KICS2: variants seen among roughly 807,000 people sequenced by gnomAD.
KICS2 encodes the protein KICSTOR subunit 2.
KICS2 carries 13 observed loss-of-function variants against 31.4 expected under a neutral mutation model. The ratio of observed to expected loss-of-function variants is 0.41; its 90% confidence interval spans 0.27 to 0.66. The LOEUF (loss-of-function observed/expected upper bound fraction) is 0.66, where lower values mean the gene tolerates loss of function less well. KICS2 is among the 30% of genes least tolerant of loss of function. KICS2 has a pLI of 0.28. For missense variants in KICS2, 455 were observed against 545.4 expected, an observed-to-expected ratio of 0.83 and a Z score of 1.65; for synonymous variants, 209 against 214.8, an observed-to-expected ratio of 0.97 and a Z score of 0.24.
chr12:64,206,674 T>G (rs571930583), intron 2 of KICS2, among the ~76,000 whole-genome samples: 1 of 152,174 alleles, frequency 6.6e-6, no homozygotes, highest in Non-Finnish European at 1.5e-5. Flanking sequence ...AAAGAAAATG[T>G]GGTACATACA....
rs2037375508 is a variant in KICS2, at chr12:64,191,169, T to A, written c.*2673A>T. 1 of 152,252 alleles carries A rather than the reference T, an allele frequency of 6.6e-6. No homozygotes were observed. The highest frequency in any genetic ancestry group is 6.5e-5 in the Admixed American group (1 of 15,282). 9.4% of individuals were successfully genotyped at this position (152,252 alleles called of 1,614,324 possible). ...GAATAAATCTTAGAGTAAAATGACT[T>A]TGTTTCTTGGCTTGAACCAAATTAT... is the stretch of plus-strand genomic sequence containing the variant. On this transcript the variant is annotated 3_prime_UTR_variant, in exon 3 of 3. Transcript: ENST00000398055.
chr12:64,203,291 T>C (rs1374236632), intron 2 of KICS2, among the ~76,000 whole-genome samples: 1 of 152,230 alleles, frequency 6.6e-6, no homozygotes, highest in Admixed American at 6.5e-5. Context: ...TAGACTAGAA[T>C]GGCAGGGAGA....
chr12:64,205,498 A>G (rs2037527841), intron 2 of KICS2, among the ~76,000 whole-genome samples: 1 of 152,322 alleles, frequency 6.6e-6, no homozygotes, highest in South Asian at 2.1e-4. Flanking sequence ...TTGTAATCCA[A>G]AAATATCCAC....
rs1369459874 is a variant in KICS2 at position 64,192,981 on chromosome 12, A to C, written c.*861T>G. Reference sequence around the variant, plus strand: ...ATGAGTATCTAAAAGTGGCTGAAAAACCGACTGCATGCTTTTAAGCCTAAA... The same window carrying C: ...ATGAGTATCTAAAAGTGGCTGAAAACCCGACTGCATGCTTTTAAGCCTAAA... On this transcript the variant is annotated 3_prime_UTR_variant, in exon 3 of 3. Transcript: ENST00000398055. The C allele has an allele frequency of 3.0e-6, 3 of 985,334 alleles. No individual in the cohort carries two copies. In the African/African-American group the frequency reaches 5.2e-5, roughly 17 times the overall value. 61.0% of individuals were successfully genotyped at this position (985,334 alleles called of 1,614,324 possible).
intron 2 of KICS2, among the ~76,000 whole-genome samples, chr12:64,211,487 C>T (rs535732267): frequency 3.3e-5 from 5 of 152,138 alleles, no homozygotes; most frequent in African/African-American, 4.8e-5. Context: ...GGCGTGGTGG[C>T]GCATGCCTGT....
chr12:64,216,267 C>T (rs886095500), intron 1 of KICS2, among the ~76,000 whole-genome samples: 2 of 152,014 alleles, frequency 1.3e-5, no homozygotes, highest in Non-Finnish European at 2.9e-5. Flanking sequence ...AATTTGCTTA[C>T]CCATGTACCA....
At chr12:64,210,605 G>A (rs1161665312) in intron 2 of KICS2, among the ~76,000 whole-genome samples, 2 of 152,184 alleles carry the variant, frequency 1.3e-5, no homozygotes, top group Non-Finnish European at 2.9e-5. Flanking sequence ...GTGAGACCCT[G>A]TCTCTGCAAA....
At chr12:64,197,636 A>G (rs2037453155) in intron 2 of KICS2, among the ~76,000 whole-genome samples, 2 of 150,826 alleles carry the variant, frequency 1.3e-5, no homozygotes, top group South Asian at 2.1e-4. Context: ...AAATGCTCCA[A>G]TGAAAAGACA....
Position 64,202,110 on chromosome 12 carries a change from T to TA in KICS2, c.522-7453dup, listed in dbSNP as rs141466217. Reference sequence around the variant, plus strand: ...TTCCACTTGTTCTAGACAAAATGTATAAAAGTTTTTGACGCTGGGCACAGT... The same window carrying TA: ...TTCCACTTGTTCTAGACAAAATGTATAAAAAGTTTTTGACGCTGGGCACAGT... On this transcript the variant is annotated intron_variant, in intron 2 of 2. Transcript: ENST00000398055. 7.9e-3 allele frequency among the ~76,000 whole-genome samples: 1,209 copies of TA among 152,282 alleles called. 18 individuals carry two copies. The highest frequency in any genetic ancestry group is 0.026 in the African/African-American group (1,096 of 41,546).
intron 2 of KICS2, among the ~76,000 whole-genome samples, chr12:64,208,914 T>C (rs2037561985): frequency 1.3e-5 from 2 of 152,132 alleles, no homozygotes; most frequent in South Asian, 4.1e-4. Context: ...AGAGTAAATA[T>C]TAATGTGCAT....
At chr12:64,220,344 G>A (rs540769670) in intron 1 of KICS2, among the ~76,000 whole-genome samples, 2 of 152,272 alleles carry the variant, frequency 1.3e-5, no homozygotes, top group Admixed American at 1.3e-4. Context: ...ACACAGGGCA[G>A]CCAGTTCTGT....
Position 64,192,571 on chromosome 12 carries a change from A to G in KICS2, c.*1271T>C. On this transcript the variant is annotated 3_prime_UTR_variant, in exon 3 of 3. Transcript: ENST00000398055. ...CAGTGGCTCCACACAATCATGGGAAAAAAGACGAATATGACCATTACATTT... is the reference window on the plus strand; with the variant it reads ...CAGTGGCTCCACACAATCATGGGAAGAAAGACGAATATGACCATTACATTT... 1 of 982,416 alleles carries G rather than the reference A, an allele frequency of 1.0e-6. No individual in the cohort carries two copies. Among genetic ancestry groups the G allele is most frequent in the East Asian group, 1.1e-4 (1 of 8,800 alleles). The allele number at this position is 982,416 out of a possible 1,614,324, so 60.9% of individuals were successfully genotyped here.
intron 2 of KICS2, among the ~76,000 whole-genome samples, chr12:64,204,367 A>T (rs991257106): frequency 2.0e-4 from 30 of 152,232 alleles, no homozygotes; most frequent in African/African-American, 7.0e-4. Flanking sequence ...GAACTCAAAA[A>T]AATTAAAGTA....
At chr12:64,214,708 T>A (rs2037612438) in intron 2 of KICS2, among the ~76,000 whole-genome samples, 8 of 151,728 alleles carry the variant, frequency 5.3e-5, no homozygotes, top group Admixed American at 5.3e-4. Flanking sequence ...TGAAACCCCA[T>A]CTCTACTAAA....
rs532988127 is a variant in KICS2 at position 64,203,197 on chromosome 12, A to G, written c.522-8539T>C. Reference sequence around the variant, plus strand: ...AAGCAGAAATTTAGTCAATGTGGTGACCAACTATGTAAAGATATGAATCCA... The same window carrying G: ...AAGCAGAAATTTAGTCAATGTGGTGGCCAACTATGTAAAGATATGAATCCA... On this transcript the variant is annotated intron_variant, in intron 2 of 2. Transcript: ENST00000398055. Among the ~76,000 whole-genome samples the G allele has an allele frequency of 4.6e-5, 7 of 152,276 alleles. No homozygotes were observed. The East Asian group carries it at 1.4e-3, about 29-fold the overall frequency.
chr12:64,213,875 A>C (rs1291463067), intron 2 of KICS2, among the ~76,000 whole-genome samples: 1 of 152,152 alleles, frequency 6.6e-6, no homozygotes, highest in Non-Finnish European at 1.5e-5. Flanking sequence ...GCAAAACCTA[A>C]GTATCATCTT....
chr12:64,196,284 T>C (rs866918435), intron 2 of KICS2, among the ~76,000 whole-genome samples: 1,592 of 145,484 alleles, frequency 0.011, 13 homozygotes, highest in Middle Eastern at 0.028. Context: ...TCAAGTGGGT[T>C]CCTGACCCCT....
Position 64,192,722 on chromosome 12 carries a change from CCTA to C in KICS2, c.*1117_*1119del. 2.0e-6 allele frequency: 2 copies of C among 985,402 alleles called. No individual in the cohort carries two copies. The highest frequency in any genetic ancestry group is 2.4e-6 in the Non-Finnish European group (2 of 829,934). The allele number at this position is 985,402 out of a possible 1,614,324, so 61.0% of individuals were successfully genotyped here. ...AGCCCATTATGCCTTCACTGATCCA[CCTA>C]CTTCCCATGAACACCTGCCGAAGGA... On this transcript the variant is annotated 3_prime_UTR_variant, in exon 3 of 3. Coordinates refer to ENST00000398055, the MANE Select transcript of KICS2 (RefSeq NM_152440.5).
At chr12:64,214,094 T>C (rs1175747471) in intron 2 of KICS2, among the ~76,000 whole-genome samples, 4 of 152,240 alleles carry the variant, frequency 2.6e-5, no homozygotes, top group African/African-American at 4.8e-5. Context: ...TAGTCTAAGA[T>C]GAGAACATGA....
Sources: gnomAD v4.1 joint callset for allele counts (sites outside exome capture counted in the v4.1 genomes callset) on GRCh38, gnomAD v4.1.1 for gene constraint, MANE v1.5 for transcripts, NCBI Gene and HGNC (gene_info 2026-07-23, HGNC 2026-07-21) for gene names.